Variants in PIK3AP1 observed in about 807,000 individuals in gnomAD.
The protein encoded by PIK3AP1 is phosphoinositide 3-kinase adapter protein 1.
Under a neutral mutation model 88.1 loss-of-function variants are expected in PIK3AP1, and 21 were observed. That is an observed-to-expected ratio of 0.24 (90% CI 0.17 to 0.34). The LOEUF is 0.34. Ranked by LOEUF, PIK3AP1 falls within the 10% of genes least tolerant of loss-of-function variation. The pLI, the probability that PIK3AP1 is intolerant of heterozygous loss-of-function variation, is 1.00. For missense variants in PIK3AP1, 828 were observed against 1,035.7 expected, an observed-to-expected ratio of 0.80 and a Z score of 2.75; for synonymous variants, 398 against 400.0, an observed-to-expected ratio of 1.00 and a Z score of 0.06.
intron 12 of PIK3AP1, among the ~76,000 whole-genome samples, chr10:96,618,205 G>T (rs756675676): frequency 1.3e-5 from 2 of 152,138 alleles, no homozygotes; most frequent in Non-Finnish European, 2.9e-5. Context: ...GAAGGGAAGA[G>T]GTCTCTTGGA....
chr10:96,712,764 T>A (rs774245525), intron 1 of PIK3AP1, among the ~76,000 whole-genome samples: 1 of 152,274 alleles, frequency 6.6e-6, no homozygotes, highest in East Asian at 1.9e-4. Context: ...TGCAAGACTT[T>A]ACATTTCATT....
chr10:96,666,578 T>C (rs542793004), intron 2 of PIK3AP1, among the ~76,000 whole-genome samples: 1 of 152,214 alleles, frequency 6.6e-6, no homozygotes, highest in Admixed American at 6.5e-5. Context: ...TTAAATGTAA[T>C]AAATATATGT....
intron 14 of PIK3AP1, among the ~76,000 whole-genome samples, chr10:96,605,367 A>G (rs1278644387): frequency 6.6e-6 from 1 of 152,244 alleles, no homozygotes; most frequent in Non-Finnish European, 1.5e-5. Flanking sequence ...AATTTTATTT[A>G]GTTGTAATTA....
intron 2 of PIK3AP1, among the ~76,000 whole-genome samples, chr10:96,709,317 A>C (rs1004247125): frequency 1.3e-5 from 2 of 152,044 alleles, no homozygotes; most frequent in Non-Finnish European, 2.9e-5. Context: ...TCCAAGGCAC[A>C]GAAAATTCTA....
Position 96,648,758 on chromosome 10 carries a change from C to A in PIK3AP1, c.1086G>T (p.Leu362=), listed in dbSNP as rs1843494989. 6.2e-7 allele frequency: 1 copy of A among 1,610,760 alleles called. No homozygotes were observed. Among genetic ancestry groups the A allele is most frequent in the East Asian group, 2.2e-5 (1 of 44,604 alleles). Residue 362 remains leucine, a synonymous_variant, in exon 7 of 17, where the codon CTG becomes CTT. Transcript: ENST00000339364. Reference sequence around the variant, plus strand: ...GCTTGTTGGCCACGCTGTACGCCTGCAGGGCTCCTGGGCAGGTGAGCAACA... The same window carrying A: ...GCTTGTTGGCCACGCTGTACGCCTGAAGGGCTCCTGGGCAGGTGAGCAACA... The part of the protein sequence containing the change: ...TALLLTCPGA[L]QAYSVANKHG...
At chr10:96,659,131 GTCT>G (rs777705822) in intron 2 of PIK3AP1, among the ~76,000 whole-genome samples, 12 of 152,092 alleles carry the variant, frequency 7.9e-5, no homozygotes, top group Non-Finnish European at 1.5e-4. Context: ...AATTCACACA[GTCT>G]TCTTCTTAAG....
At chr10:96,709,129 C>A (rs1199955677) in intron 2 of PIK3AP1, among the ~76,000 whole-genome samples, 153 of 86,620 alleles carry the variant, frequency 1.8e-3, no homozygotes, top group Non-Finnish European at 1.8e-3. Context: ...GAGACTCCGA[C>A]TCAAAAAAAA....
intron 8 of PIK3AP1, among the ~76,000 whole-genome samples, chr10:96,629,613 C>T (rs1418830699): frequency 2.1e-5 from 3 of 145,680 alleles, no homozygotes; most frequent in Non-Finnish European, 4.5e-5. Flanking sequence ...CATGGTGGCT[C>T]ACAACTTTAA....
chr10:96,655,086 C>T (rs572567200), intron 3 of PIK3AP1, among the ~76,000 whole-genome samples: 10 of 152,250 alleles, frequency 6.6e-5, no homozygotes, highest in African/African-American at 2.2e-4. Context: ...ATGGGAGTCT[C>T]ACCATGTTGC....
intron 7 of PIK3AP1, among the ~76,000 whole-genome samples, chr10:96,645,955 C>T (rs2134228791): frequency 6.6e-6 from 1 of 152,252 alleles, no homozygotes; most frequent in South Asian, 2.1e-4. Context: ...CCAGAGGATA[C>T]AAATTAAAAA....
Position 96,617,055 on chromosome 10 carries a change from C to G in PIK3AP1, c.1942-344G>C, listed in dbSNP as rs75855329. 6.3e-4 allele frequency among the ~76,000 whole-genome samples: 96 copies of G among 152,340 alleles called. 2 individuals are homozygous for G. In the East Asian group the frequency reaches 0.015, roughly 23 times the overall value. Reference sequence around the variant, plus strand: ...TCTGAGACTGTGTTCTCACATCACTCCCCTGACCTTCATGGATGTTGGTTC... The same window carrying G: ...TCTGAGACTGTGTTCTCACATCACTGCCCTGACCTTCATGGATGTTGGTTC... On this transcript the variant is annotated intron_variant, in intron 12 of 16. Coordinates refer to ENST00000339364, the MANE Select transcript of PIK3AP1 (RefSeq NM_152309.3).
chr10:96,652,610 G>T, intron 4 of PIK3AP1, 88 bp downstream of exon 4: 3 of 1,452,406 alleles, frequency 2.1e-6, no homozygotes, highest in Non-Finnish European at 2.9e-6. Context: ...TATTTAAGAT[G>T]ATAATACCTG....
chr10:96,658,274 G>C (rs1843642241), intron 2 of PIK3AP1, among the ~76,000 whole-genome samples: 1 of 152,184 alleles, frequency 6.6e-6, no homozygotes, highest in South Asian at 2.1e-4. Context: ...GCAAGGGTTA[G>C]TTTGGCTGAT....
In PIK3AP1 at chr10:96,651,660, A is replaced by G. The variant is rs1396546726; in HGVS notation, c.713-9T>C. ...GTTCCCAGATGAAAGGTCTGAACAG[A>G]AGAAAAGACACTATCAAAATTCCCA... On this transcript the variant is annotated splice_polypyrimidine_tract_variant and intron_variant, in intron 4 of 16. Transcript: ENST00000339364. The G allele has an allele frequency of 4.3e-6, 7 of 1,611,720 alleles. No homozygotes were observed. In the Middle Eastern group the frequency reaches 5.0e-4, roughly 114 times the overall value.
At chr10:96,640,051 G>A (rs1843363402) in intron 8 of PIK3AP1, among the ~76,000 whole-genome samples, 1 of 152,186 alleles carries the variant, frequency 6.6e-6, no homozygotes, top group African/African-American at 2.4e-5. Flanking sequence ...AGTTACCAGG[G>A]AGGTTGCTAA....
intron 2 of PIK3AP1, among the ~76,000 whole-genome samples, chr10:96,678,593 C>A (rs1843957656): frequency 6.6e-6 from 1 of 152,012 alleles, no homozygotes. Flanking sequence ...AAATTTTAAA[C>A]TATTATTTTA....
intron 2 of PIK3AP1, among the ~76,000 whole-genome samples, chr10:96,658,517 G>A (rs1242070819): frequency 6.6e-6 from 1 of 152,184 alleles, no homozygotes; most frequent in African/African-American, 2.4e-5. Flanking sequence ...TCCTATTGCT[G>A]TAACTATAAG....
At chr10:96,718,236 C>A (rs1409626562) in intron 1 of PIK3AP1, among the ~76,000 whole-genome samples, 1 of 152,204 alleles carries the variant, frequency 6.6e-6, no homozygotes, top group African/African-American at 2.4e-5. Context: ...GATGGCTACA[C>A]ATATCTGTAA....
chr10:96,662,708 G>C (rs897834824), intron 2 of PIK3AP1, among the ~76,000 whole-genome samples: 1 of 146,984 alleles, frequency 6.8e-6, no homozygotes, highest in South Asian at 2.1e-4. Context: ...GTGAAACCCC[G>C]TCTCTACTAA....
Sources: allele counts gnomAD v4.1 joint callset (sites outside exome capture counted in the v4.1 genomes callset), GRCh38; gene constraint gnomAD v4.1.1; transcripts MANE v1.5; gene names NCBI Gene and HGNC (gene_info 2026-07-23, HGNC 2026-07-21).